Variants in FAM227B observed in about 807,000 individuals in gnomAD.
FAM227B encodes the protein protein FAM227B.
Under a neutral mutation model 73.8 loss-of-function variants are expected in FAM227B, and 88 were observed. That is an observed-to-expected ratio of 1.19 (90% CI 1.00 to 1.42). The LOEUF is 1.42. Among genes scored for constraint, FAM227B ranks in the 40% most tolerant of loss-of-function variants. FAM227B has a pLI of 0.00. For synonymous variants in FAM227B, 210 were observed against 190.5 expected (o/e 1.10, Z -0.84); for missense variants, 632 against 590.9 (o/e 1.07, Z -0.72).
At chr15:49,417,292 C>T (rs534735064) in intron 11 of FAM227B, among the ~76,000 whole-genome samples, 15 of 152,124 alleles carry the variant, frequency 9.9e-5, no homozygotes, top group East Asian at 9.7e-4. Flanking sequence ...ACTCAGGAGG[C>T]GGGAGGATCA....
At chr15:49,359,054 G>A (rs1008762353) in intron 13 of FAM227B, among the ~76,000 whole-genome samples, 5 of 152,108 alleles carry the variant, frequency 3.3e-5, no homozygotes, top group Middle Eastern at 3.4e-3. Flanking sequence ...GCTGAAACTC[G>A]ATCCCTTCCT....
chr15:49,363,601 T>G (rs1482806413), intron 13 of FAM227B, among the ~76,000 whole-genome samples: 1 of 152,202 alleles, frequency 6.6e-6, no homozygotes. Context: ...TGTTCTTATT[T>G]GAATGCCTTT....
rs757107457 is a variant in FAM227B at position 49,328,006 on chromosome 15, A to G, written c.*562T>C. On this transcript the variant is annotated 3_prime_UTR_variant, in exon 16 of 16. Transcript: ENST00000299338. ...CTGGAGCAGGATGGGGAGGCTGCAC[A>G]GTATCAATGGTACCTGCGGACAAGC... 8.7e-6 allele frequency: 14 copies of G among 1,613,868 alleles called. No individual in the cohort carries two copies. Among genetic ancestry groups the G allele is most frequent in the Non-Finnish European group, 1.2e-5 (14 of 1,179,862 alleles).
At chr15:49,462,066 C>A (rs1298343017) in intron 11 of FAM227B, among the ~76,000 whole-genome samples, 1 of 151,964 alleles carries the variant, frequency 6.6e-6, no homozygotes, top group Admixed American at 6.6e-5. Context: ...TTGCAGTGAG[C>A]TGAGATCGTG....
intron 10 of FAM227B, among the ~76,000 whole-genome samples, chr15:49,511,572 C>A (rs1301934510): frequency 6.6e-6 from 1 of 151,976 alleles, no homozygotes; most frequent in African/African-American, 2.4e-5. Flanking sequence ...GGTACTAAGC[C>A]CAGCAACCAT....
At position 49,331,790 on chromosome 15, in the gene FAM227B, A is replaced by G. The variant is rs1336268901; in HGVS notation, c.1409T>C (p.Leu470Pro). ...HEVKQDFEKFLHKLRSEAEIE... is the reference protein window; with the variant it reads ...HEVKQDFEKFPHKLRSEAEIE... The stretch of plus-strand genomic sequence containing the variant: ...AGAAAGAAAACCTACCAGTTTATGT[A>G]GGAACTTCTCAAAGTCCTGTTTCAC... Residue 470 changes from leucine (L) to proline (P), a missense_variant, in exon 15 of 16, where the codon CTA becomes CCA. Transcript: ENST00000299338. The G allele has an allele frequency of 1.2e-6, 2 of 1,600,612 alleles. No individual in the cohort carries two copies. The highest frequency in any genetic ancestry group is 1.7e-6 in the Non-Finnish European group (2 of 1,167,772).
At chr15:49,433,946 G>A (rs900691317) in intron 11 of FAM227B, among the ~76,000 whole-genome samples, 2 of 151,728 alleles carry the variant, frequency 1.3e-5, no homozygotes, top group African/African-American at 4.8e-5. Context: ...AACAAGCAGT[G>A]GACTGATAAT....
At chr15:49,544,469 T>C (rs2071532057) in intron 9 of FAM227B, among the ~76,000 whole-genome samples, 1 of 152,134 alleles carries the variant, frequency 6.6e-6, no homozygotes, top group South Asian at 2.1e-4. Flanking sequence ...ACAGTATGAC[T>C]TCCTTTTTAC....
At chr15:49,362,629 G>T (rs1026370006) in intron 13 of FAM227B, among the ~76,000 whole-genome samples, 1 of 152,106 alleles carries the variant, frequency 6.6e-6, no homozygotes. Context: ...AGTTTAATTA[G>T]GTTTCATCTG....
chr15:49,579,034 G>A (rs2075643550), intron 5 of FAM227B, among the ~76,000 whole-genome samples: 1 of 152,068 alleles, frequency 6.6e-6, no homozygotes, highest in South Asian at 2.1e-4. Context: ...CTCAAAAGAA[G>A]ACATATAAAT....
chr15:49,597,009 A>T (rs1015894567), intron 3 of FAM227B, among the ~76,000 whole-genome samples: 3 of 152,026 alleles, frequency 2.0e-5, no homozygotes, highest in African/African-American at 7.2e-5. Flanking sequence ...GATAGATGGG[A>T]ACACAATAAT....
At chr15:49,469,392 A>T (rs919976047) in intron 11 of FAM227B, among the ~76,000 whole-genome samples, 2 of 152,158 alleles carry the variant, frequency 1.3e-5, no homozygotes, top group African/African-American at 4.8e-5. Context: ...GAGCATTACA[A>T]TTATATTTAA....
chr15:49,375,978 T>C (rs1596679855), intron 11 of FAM227B, among the ~76,000 whole-genome samples: 1 of 152,060 alleles, frequency 6.6e-6, no homozygotes, highest in South Asian at 2.1e-4. Context: ...TTGAACTTAT[T>C]ATTGATGTGT....
chr15:49,454,827 T>G (rs2053124433), intron 11 of FAM227B, among the ~76,000 whole-genome samples: 1 of 152,104 alleles, frequency 6.6e-6, no homozygotes, highest in Admixed American at 6.6e-5. Flanking sequence ...GCCAGGATGG[T>G]CTCGATCTCC....
At position 49,328,069 on chromosome 15, in the gene FAM227B, C is replaced by T. The variant is rs2037840621; in HGVS notation, c.*499G>A. The T allele has an allele frequency of 1.2e-6, 2 of 1,613,972 alleles. No homozygotes were observed. Among genetic ancestry groups the T allele is most frequent in the Non-Finnish European group, 1.7e-6 (2 of 1,179,958 alleles). ...TAGCAAATGTGCACAAAGCTTATTA[C>T]CAGAGGAGTGATGGAAGCTTAGCAC... is the stretch of plus-strand genomic sequence containing the variant. On this transcript the variant is annotated 3_prime_UTR_variant, in exon 16 of 16. Transcript: ENST00000299338.
At chr15:49,373,245 T>C (rs577296877) in intron 11 of FAM227B, among the ~76,000 whole-genome samples, 3 of 152,032 alleles carry the variant, frequency 2.0e-5, no homozygotes, top group Non-Finnish European at 4.4e-5. Flanking sequence ...GTAGTATACA[T>C]TAATATGAGG....
intron 3 of FAM227B, among the ~76,000 whole-genome samples, chr15:49,602,462 CA>C (rs1302902568): frequency 1.3e-5 from 2 of 152,154 alleles, no homozygotes; most frequent in Non-Finnish European, 2.9e-5. Flanking sequence ...AATGTCTATT[CA>C]AATATTTCGC....
chr15:49,361,643 T>G (rs1251041548), intron 13 of FAM227B, among the ~76,000 whole-genome samples: 1 of 151,612 alleles, frequency 6.6e-6, no homozygotes, highest in Non-Finnish European at 1.5e-5. Context: ...TACCTAGTCC[T>G]GTTGATGGGC....
At chr15:49,573,103 T>C (rs2075224099) in intron 8 of FAM227B, among the ~76,000 whole-genome samples, 1 of 152,064 alleles carries the variant, frequency 6.6e-6, no homozygotes. Flanking sequence ...AAATACTGCT[T>C]TAGTTATATC....
Sources: gnomAD v4.1 joint callset for allele counts (sites outside exome capture counted in the v4.1 genomes callset) on GRCh38, gnomAD v4.1.1 for gene constraint, MANE v1.5 for transcripts, NCBI Gene and HGNC (gene_info 2026-07-23, HGNC 2026-07-21) for gene names.